Variants in HDAC9 observed in about 807,000 individuals in gnomAD.
HDAC9 encodes the protein MEF-2 interacting transcription repressor (MITR) protein.
A neutral mutation model predicts 139.4 loss-of-function variants in HDAC9; 41 were observed. That is an observed-to-expected ratio of 0.29 (90% CI 0.23 to 0.38). The LOEUF (loss-of-function observed/expected upper bound fraction) is 0.38. HDAC9 is among the 10% of genes least tolerant of loss of function. The probability of loss-of-function intolerance (pLI) is 1.00; values close to 1 mark genes in which losing one functional copy is unlikely to be tolerated. For missense variants in HDAC9, 1,147 were observed against 1,297.0 expected, an observed-to-expected ratio of 0.88 and a Z score of 1.78; for synonymous variants, 517 against 476.2, an observed-to-expected ratio of 1.09 and a Z score of -1.12.
chr7:18,585,111 T>G (rs892675845), intron 2 of HDAC9, among the ~76,000 whole-genome samples, 170 bp from the exon 3 acceptor site: 1 of 152,230 alleles, frequency 6.6e-6, no homozygotes. Context: ...TTATCAAAAC[T>G]AATGTACAAA....
intron 1 of HDAC9, among the ~76,000 whole-genome samples, chr7:18,383,809 A>T (rs1395368864): frequency 6.6e-6 from 1 of 151,612 alleles, no homozygotes; most frequent in Non-Finnish European, 1.5e-5. Context: ...GAATGGCGTG[A>T]ACCCGGGAGG....
chr7:18,248,025 C>T (rs1180738848), intron 2 of HDAC9, among the ~76,000 whole-genome samples: 1 of 152,022 alleles, frequency 6.6e-6, no homozygotes, highest in African/African-American at 2.4e-5. Flanking sequence ...CTCCTAGTTT[C>T]TTGGAAAAAC....
intron 2 of HDAC9, among the ~76,000 whole-genome samples, chr7:18,257,714 A>G (rs1795373354): frequency 6.6e-6 from 1 of 152,226 alleles, no homozygotes; most frequent in South Asian, 2.1e-4. Flanking sequence ...GAGAAGCCCC[A>G]TAGAATGTAA....
chr7:18,579,651 T>C (rs1394407235), intron 2 of HDAC9, among the ~76,000 whole-genome samples: 2 of 152,246 alleles, frequency 1.3e-5, no homozygotes, highest in African/African-American at 2.4e-5. Flanking sequence ...ATTGCTGATA[T>C]AACCAAGTTG....
Position 18,593,962 on chromosome 7 carries a change from T to A in HDAC9, c.597T>A (p.Ser199=), listed in dbSNP as rs1307550513. 6.2e-7 allele frequency: 1 copy of A among 1,612,682 alleles called. No individual in the cohort carries two copies. The highest frequency in any genetic ancestry group is 8.5e-7 in the Non-Finnish European group (1 of 1,179,056). The stretch of plus-strand genomic sequence containing the variant: ...GCTCTCCACCCCTTAGTGGAACATC[T>A]CCATCCTACAAGTACACATTACCAG... ...DQSSPPLSGT[S]PSYKYTLPGA... is the part of the protein sequence containing the mutation. The change falls in exon 6 of 26, where the codon TCT becomes TCA. Residue 199 remains serine (S), a synonymous_variant. Coordinates refer to ENST00000686413, the MANE Select transcript of HDAC9 (RefSeq NM_178425.4).
chr7:18,828,878 A>G (rs1214135971), intron 17 of HDAC9, among the ~76,000 whole-genome samples: 1 of 152,228 alleles, frequency 6.6e-6, no homozygotes, highest in East Asian at 1.9e-4. Context: ...CTAGTTTAAC[A>G]GCTGACATGC....
At chr7:18,458,863 C>A in intron 1 of HDAC9, 1 of 1,534,864 alleles carries the variant, frequency 6.5e-7, no homozygotes, top group Non-Finnish European at 8.7e-7. Context: ...AACCTTGTAC[C>A]ATGGGTGCTA....
At chr7:18,647,734 T>C in intron 9 of HDAC9, 51 bp from the exon 10 acceptor site, 1 of 1,452,684 alleles carries the variant, frequency 6.9e-7, no homozygotes, top group Non-Finnish European at 9.3e-7. Flanking sequence ...AGAGACCCAG[T>C]GACCCACATG....
intron 21 of HDAC9, among the ~76,000 whole-genome samples, chr7:18,855,274 T>C (rs10230371): frequency 0.6 from 90,662 of 152,034 alleles, 29,828 homozygotes; most frequent in African/African-American, 0.89. Context: ...AGATCTATCG[T>C]GACCTAGCGT....
chr7:18,686,130 C>G (rs1480419046), intron 12 of HDAC9, among the ~76,000 whole-genome samples: 1 of 151,962 alleles, frequency 6.6e-6, no homozygotes, highest in Non-Finnish European at 1.5e-5. Context: ...GGCTTGGAGT[C>G]TCAGTCAATT....
intron 6 of HDAC9, among the ~76,000 whole-genome samples, chr7:18,612,305 A>T (rs192153329): frequency 1.3e-5 from 2 of 152,116 alleles, no homozygotes; most frequent in South Asian, 4.1e-4. Flanking sequence ...AGACACATCA[A>T]TTGTGTTTGC....
At chr7:18,145,853 A>G (rs891103388) in intron 1 of HDAC9, among the ~76,000 whole-genome samples, 1 of 152,190 alleles carries the variant, frequency 6.6e-6, no homozygotes, top group Non-Finnish European at 1.5e-5. Flanking sequence ...AGAGATCTCT[A>G]TTGTGTTACT....
upstream of HDAC9, among the ~76,000 whole-genome samples, chr7:18,494,168 T>G (rs1373431264): frequency 3.3e-5 from 5 of 152,120 alleles, no homozygotes; most frequent in South Asian, 8.3e-4. Context: ...AAACGCAGTT[T>G]GGAATATATA....
chr7:18,537,321 G>A (rs542645120), intron 2 of HDAC9, among the ~76,000 whole-genome samples: 2 of 152,168 alleles, frequency 1.3e-5, no homozygotes, highest in Admixed American at 6.5e-5. Flanking sequence ...AAGGGGTTTG[G>A]GATAGAGGAG....
At chr7:18,265,265 C>T (rs1401593577) in intron 2 of HDAC9, among the ~76,000 whole-genome samples, 1 of 152,140 alleles carries the variant, frequency 6.6e-6, no homozygotes, top group Non-Finnish European at 1.5e-5. Context: ...TTATAATAAT[C>T]TTCATGGTAG....
intron 22 of HDAC9, among the ~76,000 whole-genome samples, chr7:18,913,409 C>G (rs1802908503): frequency 6.6e-6 from 1 of 152,050 alleles, no homozygotes; most frequent in Non-Finnish European, 1.5e-5. Flanking sequence ...CTTAAGGAAT[C>G]AGGCTACTTG....
At chr7:18,161,170 G>C (rs1168487604) in intron 1 of HDAC9, among the ~76,000 whole-genome samples, 1 of 152,054 alleles carries the variant, frequency 6.6e-6, no homozygotes, top group Non-Finnish European at 1.5e-5. Flanking sequence ...TAGCCTGCTA[G>C]GTCTAATGAC....
At chr7:18,562,823 G>A (rs1214923296) in intron 2 of HDAC9, among the ~76,000 whole-genome samples, 2 of 152,034 alleles carry the variant, frequency 1.3e-5, no homozygotes, top group African/African-American at 2.4e-5. Context: ...CATGGAATTT[G>A]TGGATGAATT....
At chr7:18,612,388 T>C (rs1352746443) in intron 6 of HDAC9, among the ~76,000 whole-genome samples, 2 of 152,144 alleles carry the variant, frequency 1.3e-5, no homozygotes, top group African/African-American at 4.8e-5. Context: ...ATTTATCTTT[T>C]TTTAAGAATT....
Sources: gnomAD v4.1 joint callset for allele counts (sites outside exome capture counted in the v4.1 genomes callset) on GRCh38, gnomAD v4.1.1 for gene constraint, MANE v1.5 for transcripts, NCBI Gene and HGNC (gene_info 2026-07-23, HGNC 2026-07-21) for gene names.